Variants in SLC35F4 observed in about 807,000 individuals in gnomAD.
The protein encoded by SLC35F4 is solute carrier family 35 member F4.
A neutral mutation model predicts 44.2 loss-of-function variants in SLC35F4; 24 were observed. The observed-to-expected ratio is 0.54, with a 90% CI of 0.39 to 0.76. The LOEUF (loss-of-function observed/expected upper bound fraction) is 0.76. Ranked by LOEUF, SLC35F4 falls within the 30% of genes least tolerant of loss-of-function variation. SLC35F4 has a pLI of 0.00. For missense variants in SLC35F4, 562 were observed against 586.1 expected, an observed-to-expected ratio of 0.96 and a Z score of 0.42; for synonymous variants, 238 against 223.6, an observed-to-expected ratio of 1.06 and a Z score of -0.57.
At chr14:57,799,043 C>T (rs890614545) in intron 1 of SLC35F4, among the ~76,000 whole-genome samples, 46 of 152,342 alleles carry the variant, frequency 3.0e-4, no homozygotes, top group African/African-American at 1.1e-3. Flanking sequence ...GAAGCAGCTG[C>T]GGTCCTCAGC....
chr14:57,926,736 G>A lies in SLC35F4; in HGVS notation n.282+55177C>T, dbSNP rs539690399. Among the ~76,000 whole-genome samples, 768 of 134,846 alleles carry A rather than the reference G, an allele frequency of 5.7e-3. 10 individuals are homozygous for A. The highest frequency in any genetic ancestry group is 0.02 in the African/African-American group (735 of 35,870). 88.5% of individuals were successfully genotyped at this position (134,846 alleles called of 152,430 possible). A position where few individuals can be genotyped will look rare whatever the true frequency, so the allele number is the denominator to read the frequency against. ...CAATGAAGTAGGGTTGGGGGGGGGG[G>A]GTGGATATATATAGCCAAAGGCACA... On this transcript the variant is annotated intron_variant and non_coding_transcript_variant, in intron 1 of 1. Coordinates refer to the SLC35F4 transcript ENST00000556568.
At chr14:57,615,122 T>C (rs936567533) in intron 1 of SLC35F4, among the ~76,000 whole-genome samples, 13 of 152,210 alleles carry the variant, frequency 8.5e-5, no homozygotes, top group African/African-American at 2.4e-4. Flanking sequence ...AAGTACAAGT[T>C]AAAATCCTAA....
downstream of SLC35F4, among the ~76,000 whole-genome samples, chr14:57,972,025 T>A (rs1881066315): frequency 6.6e-6 from 1 of 152,142 alleles, no homozygotes; most frequent in Non-Finnish European, 1.5e-5. Flanking sequence ...CCGAAGGTTA[T>A]GAAGGATCAG....
intron 1 of SLC35F4, among the ~76,000 whole-genome samples, chr14:57,823,161 G>T (rs752713172): frequency 1.3e-5 from 2 of 152,052 alleles, no homozygotes; most frequent in Non-Finnish European, 2.9e-5. Context: ...CCCTATGTGA[G>T]ATGGCCCCAC....
At chr14:57,807,713 C>T (rs564069694) in intron 1 of SLC35F4, among the ~76,000 whole-genome samples, 2 of 151,920 alleles carry the variant, frequency 1.3e-5, no homozygotes, top group Non-Finnish European at 2.9e-5. Context: ...GGCCATATCA[C>T]TCTACCACTT....
At chr14:57,809,760 G>T (rs1881752740) in intron 1 of SLC35F4, among the ~76,000 whole-genome samples, 1 of 152,168 alleles carries the variant, frequency 6.6e-6, no homozygotes, top group South Asian at 2.1e-4. Flanking sequence ...CACACGGCTT[G>T]ATTATTCTTT....
chr14:57,653,710 T>C lies in SLC35F4; in HGVS notation c.104-59586A>G, dbSNP rs192359491. On this transcript the variant is annotated intron_variant, in intron 1 of 7. Coordinates refer to ENST00000556826, the MANE Select transcript of SLC35F4 (RefSeq NM_001306087.2). Reference sequence around the variant, plus strand: ...ATGCCAGGGAGCAGGTGGTGTTTGCTGCCAATGTGCAGAAGAGAGATCCTG... The same window carrying C: ...ATGCCAGGGAGCAGGTGGTGTTTGCCGCCAATGTGCAGAAGAGAGATCCTG... 2.6e-4 allele frequency among the ~76,000 whole-genome samples: 40 copies of C among 152,330 alleles called. No homozygotes were observed. In the East Asian group the frequency reaches 7.1e-3, roughly 27 times the overall value.
intron 1 of SLC35F4, among the ~76,000 whole-genome samples, chr14:57,609,451 G>T (rs143101619): frequency 4.8e-4 from 73 of 152,216 alleles, no homozygotes; most frequent in Non-Finnish European, 9.7e-4. Context: ...TTCTTAGCCA[G>T]AGATAAGGAA....
In SLC35F4 at chr14:57,858,378, T is replaced by G. The variant is rs191386263; in HGVS notation, c.103+7345A>C. On this transcript the variant is annotated intron_variant, in intron 1 of 7. Coordinates refer to ENST00000556826, the MANE Select transcript of SLC35F4 (RefSeq NM_001306087.2). Reference sequence around the variant, plus strand: ...AAAAAGGATGAGTTCATGTCCTTTGTAGGGACATGGATGAAGCTGGAAAGC... The same window carrying G: ...AAAAAGGATGAGTTCATGTCCTTTGGAGGGACATGGATGAAGCTGGAAAGC... 5.0e-3 allele frequency among the ~76,000 whole-genome samples: 763 copies of G among 152,030 alleles called. 17 individuals are homozygous for G. Among genetic ancestry groups the G allele is most frequent in the African/African-American group, 0.018 (732 of 41,334 alleles).
intron 3 of SLC35F4, among the ~76,000 whole-genome samples, chr14:57,581,808 T>C (rs1327579631): frequency 6.6e-6 from 1 of 152,242 alleles, no homozygotes; most frequent in Non-Finnish European, 1.5e-5. Flanking sequence ...AGGCTGCTAC[T>C]ACTCTGTGAA....
chr14:57,915,296 A>G (rs983199725), intron 1 of SLC35F4, among the ~76,000 whole-genome samples: 13 of 152,264 alleles, frequency 8.5e-5, no homozygotes, highest in Middle Eastern at 3.4e-3. Flanking sequence ...AAGTGTCTTC[A>G]GGGCGTTTCT....
chr14:57,628,387 T>G (rs911671478), intron 1 of SLC35F4, among the ~76,000 whole-genome samples: 7 of 140,338 alleles, frequency 5.0e-5, no homozygotes, highest in Non-Finnish European at 6.1e-5. Flanking sequence ...CCATGGCAGT[T>G]TGCTGCACCC....
chr14:57,717,810 G>A (rs941684821), intron 1 of SLC35F4, among the ~76,000 whole-genome samples: 4 of 152,104 alleles, frequency 2.6e-5, no homozygotes, highest in Non-Finnish European at 5.9e-5. Context: ...ATCATAACAT[G>A]GAAAATTGGG....
Position 57,792,403 on chromosome 14 carries a change from T to C in SLC35F4, c.103+73320A>G, listed in dbSNP as rs182015550. ...CTACCATTTGATCCATCAATCCCAC[T>C]ACTGGGTATCTACCCAGAGGAAAAT... is the stretch of plus-strand genomic sequence containing the variant. On this transcript the variant is annotated intron_variant, in intron 1 of 7. Transcript: ENST00000556826. Among the ~76,000 whole-genome samples the C allele has an allele frequency of 3.3e-5, 5 of 152,282 alleles. 1 individual carries two copies. The East Asian group carries it at 9.6e-4, about 29-fold the overall frequency.
chr14:57,877,532 A>C (rs28785279), intron 1 of SLC35F4, among the ~76,000 whole-genome samples: 14 of 152,114 alleles, frequency 9.2e-5, no homozygotes, highest in African/African-American at 3.4e-4. Flanking sequence ...GGGATTGCTC[A>C]ATCAAATGGT....
chr14:57,738,689 T>C (rs141103415), intron 1 of SLC35F4, among the ~76,000 whole-genome samples: 251 of 150,240 alleles, frequency 1.7e-3, no homozygotes, highest in African/African-American at 5.8e-3. Context: ...CCACTAGATA[T>C]ACCATTCTAA....
At chr14:57,688,145 A>G (rs1372338686) in intron 1 of SLC35F4, among the ~76,000 whole-genome samples, 1 of 152,112 alleles carries the variant, frequency 6.6e-6, no homozygotes, top group Non-Finnish European at 1.5e-5. Flanking sequence ...AATTAAAAGG[A>G]TGGGTTACTA....
At chr14:57,627,369 T>C (rs149189756) in intron 1 of SLC35F4, among the ~76,000 whole-genome samples, 248 of 152,286 alleles carry the variant, frequency 1.6e-3, no homozygotes, top group Non-Finnish European at 2.7e-3. Flanking sequence ...CAGTCCCTGT[T>C]GCAAGCATTA....
chr14:57,961,249 A>C (rs923114032), intron 1 of SLC35F4, among the ~76,000 whole-genome samples: 1 of 152,192 alleles, frequency 6.6e-6, no homozygotes, highest in Non-Finnish European at 1.5e-5. Flanking sequence ...CTCTTGAAAA[A>C]TTATTTTTAA....
Sources: gnomAD v4.1 joint callset for allele counts (sites outside exome capture counted in the v4.1 genomes callset) on GRCh38, gnomAD v4.1.1 for gene constraint, MANE v1.5 for transcripts, NCBI Gene and HGNC (gene_info 2026-07-23, HGNC 2026-07-21) for gene names.